Variants in GLIS3 observed in about 807,000 individuals in gnomAD.
GLIS3 encodes the protein zinc finger protein GLIS3.
GLIS3 carries 53 observed loss-of-function variants against 78.6 expected under a neutral mutation model. The observed-to-expected ratio is 0.67, with a 90% CI of 0.54 to 0.85. The LOEUF is 0.85. Ranked by LOEUF, GLIS3 falls within the 40% of genes least tolerant of loss-of-function variation. The probability of loss-of-function intolerance (pLI) is 0.00; values close to 1 mark genes in which losing one functional copy is unlikely to be tolerated. For synonymous variants in GLIS3, 684 were observed against 509.9 expected, an observed-to-expected ratio of 1.34 and a Z score of -4.60; for missense variants, 1,703 against 1,231.1, an observed-to-expected ratio of 1.38 and a Z score of -5.74.
intron 4 of GLIS3, among the ~76,000 whole-genome samples, chr9:4,059,838 G>GAA (rs1826492313): frequency 7.0e-6 from 1 of 143,744 alleles, no homozygotes; most frequent in African/African-American, 2.8e-5. Flanking sequence ...GTGAGAGAGA[G>GAA]AGAGAGAGAG....
At chr9:4,374,630 A>G in the GLIS3 span, among the ~76,000 whole-genome samples, 1 of 152,240 alleles carries the variant, frequency 6.6e-6, no homozygotes, top group South Asian at 2.1e-4. Context: ...AAGGCTGTCA[A>G]TCAGGGCATC....
chr9:3,994,460 T>C (rs1158160949), intron 4 of GLIS3, among the ~76,000 whole-genome samples: 2 of 152,206 alleles, frequency 1.3e-5, no homozygotes, highest in Non-Finnish European at 2.9e-5. Context: ...ATGTCTTCTT[T>C]AAAGTGAGAC....
At chr9:4,439,040 A>G in the GLIS3 span, among the ~76,000 whole-genome samples, 1 of 152,170 alleles carries the variant, frequency 6.6e-6, no homozygotes, top group African/African-American at 2.4e-5. Flanking sequence ...TCAAAATATA[A>G]TGGCCAATGT....
At chr9:4,269,296 T>A (rs1295558872) in intron 2 of GLIS3, among the ~76,000 whole-genome samples, 1 of 150,582 alleles carries the variant, frequency 6.6e-6, no homozygotes, top group Non-Finnish European at 1.5e-5. Flanking sequence ...ACAGATATTA[T>A]AATATCATAT....
At chr9:4,364,465 G>A in the GLIS3 span, among the ~76,000 whole-genome samples, 1 of 152,046 alleles carries the variant, frequency 6.6e-6, no homozygotes, top group Admixed American at 6.6e-5. Context: ...TTCAGTTAAA[G>A]GAATTGTATG....
intron 4 of GLIS3, among the ~76,000 whole-genome samples, chr9:4,109,559 A>G (rs1831043530): frequency 6.6e-6 from 1 of 152,232 alleles, no homozygotes; most frequent in Non-Finnish European, 1.5e-5. Context: ...TTTAAGAGAT[A>G]ATGGAGAAGA....
intron 4 of GLIS3, among the ~76,000 whole-genome samples, chr9:3,988,742 A>T (rs79949926): frequency 0.021 from 3,223 of 152,202 alleles, 104 homozygotes; most frequent in African/African-American, 0.073. Flanking sequence ...TAAACCTCAT[A>T]CGTTATACGA....
chr9:3,856,483 G>A (rs1819800517), intron 8 of GLIS3, among the ~76,000 whole-genome samples: 1 of 152,144 alleles, frequency 6.6e-6, no homozygotes, highest in African/African-American at 2.4e-5. Context: ...TATGTTTGGT[G>A]AAATTCAAAG....
chr9:4,478,422 C>T, the GLIS3 span, among the ~76,000 whole-genome samples: 2 of 152,078 alleles, frequency 1.3e-5, no homozygotes, highest in Admixed American at 6.6e-5. Context: ...ACCAGTCTGG[C>T]CAACATGGTG....
intron 6 of GLIS3, among the ~76,000 whole-genome samples, chr9:3,917,830 C>A (rs948880784): frequency 6.6e-6 from 1 of 152,104 alleles, no homozygotes; most frequent in Non-Finnish European, 1.5e-5. Flanking sequence ...GTAATTGAAC[C>A]CACATTGACA....
chr9:4,038,495 G>A (rs938848496), intron 4 of GLIS3, among the ~76,000 whole-genome samples: 6 of 152,176 alleles, frequency 3.9e-5, no homozygotes, highest in Admixed American at 6.5e-5. Context: ...AGAGACTGAC[G>A]TATGGGAGAT....
intron 2 of GLIS3, among the ~76,000 whole-genome samples, chr9:4,344,298 C>T (rs988808250): frequency 1.3e-5 from 2 of 152,190 alleles, no homozygotes; most frequent in East Asian, 1.9e-4. Context: ...CACTAATGAC[C>T]TCCGTATTGG....
intron 2 of GLIS3, 63 bp from the exon 3 acceptor site, chr9:4,126,004 C>T (rs770344214): frequency 3.9e-5 from 49 of 1,252,938 alleles, no homozygotes; most frequent in African/African-American, 2.1e-4. Flanking sequence ...TAAATACAGA[C>T]ATGTGCACGC....
At chr9:4,225,265 G>C (rs984271839) in intron 2 of GLIS3, among the ~76,000 whole-genome samples, 1 of 151,904 alleles carries the variant, frequency 6.6e-6, no homozygotes, top group Non-Finnish European at 1.5e-5. Context: ...TTAAAATTTT[G>C]GCCTAGGACC....
chr9:4,416,400 A>T, the GLIS3 span, among the ~76,000 whole-genome samples: 2 of 152,218 alleles, frequency 1.3e-5, no homozygotes, highest in African/African-American at 4.8e-5. Context: ...GGGAAAACAA[A>T]ATACAGTAAT....
intron 2 of GLIS3, among the ~76,000 whole-genome samples, chr9:4,209,386 T>A (rs1820179590): frequency 6.6e-6 from 1 of 152,162 alleles, no homozygotes; most frequent in Non-Finnish European, 1.5e-5. Context: ...TTCATGGGTG[T>A]GGACCAGAGA....
intron 2 of GLIS3, among the ~76,000 whole-genome samples, chr9:4,230,211 G>C (rs1268307086): frequency 2.0e-5 from 3 of 152,192 alleles, no homozygotes; most frequent in Non-Finnish European, 4.4e-5. Flanking sequence ...AAACCAGTAA[G>C]CGTCATCAGC....
the GLIS3 span, among the ~76,000 whole-genome samples, chr9:4,462,037 A>G: frequency 6.6e-6 from 1 of 152,218 alleles, no homozygotes; most frequent in African/African-American, 2.4e-5. Flanking sequence ...GGGAATAGCA[A>G]GAAGAGTACA....
intron 2 of GLIS3, among the ~76,000 whole-genome samples, chr9:4,252,765 T>C (rs1274981988): frequency 6.6e-6 from 1 of 152,206 alleles, no homozygotes; most frequent in East Asian, 1.9e-4. Context: ...CTTTGGTCTT[T>C]GATGTTGGTG....
Sources: allele counts gnomAD v4.1 joint callset (sites outside exome capture counted in the v4.1 genomes callset), GRCh38; gene constraint gnomAD v4.1.1; transcripts MANE v1.5; gene names NCBI Gene and HGNC (gene_info 2026-07-23, HGNC 2026-07-21).